ZBBX: variants seen among roughly 807,000 people sequenced by gnomAD.
ZBBX encodes zinc finger B-box domain containing.
Under a neutral mutation model 108.5 loss-of-function variants are expected in ZBBX, and 101 were observed. The ratio of observed to expected loss-of-function variants is 0.93; its 90% CI spans 0.79 to 1.10. The LOEUF (loss-of-function observed/expected upper bound fraction) is 1.10, where lower values mean the gene tolerates loss of function less well. Among genes scored for constraint, ZBBX ranks in the 50% least tolerant of loss-of-function variants. The pLI is 0.00. For synonymous variants in ZBBX, 356 were observed against 323.4 expected, an observed-to-expected ratio of 1.10 and a Z score of -1.08; for missense variants, 1,009 against 941.4, an observed-to-expected ratio of 1.07 and a Z score of -0.94.
At chr3:167,348,360 G>GAAAGAAAGAAAGAA (rs1577061296) in intron 9 of ZBBX, among the ~76,000 whole-genome samples, 2 of 123,806 alleles carry the variant, frequency 1.6e-5, no homozygotes, top group Admixed American at 8.3e-5. Context: ...AAGAAAGAAA[G>GAAAGAAAGAAAGAA]AAAGAAAGAA....
intron 6 of ZBBX, among the ~76,000 whole-genome samples, chr3:167,364,036 T>A (rs1398369472): frequency 6.6e-6 from 1 of 151,992 alleles, no homozygotes; most frequent in East Asian, 1.9e-4. Context: ...AAAGGTTAAG[T>A]GAATGTTAAT....
chr3:167,389,561 T>A (rs1190609434), intron 1 of ZBBX, among the ~76,000 whole-genome samples: 1 of 152,196 alleles, frequency 6.6e-6, no homozygotes, highest in African/African-American at 2.4e-5. Context: ...CACACTGTCT[T>A]CCACATTGGT....
chr3:167,278,653 C>A (rs886157934), intron 20 of ZBBX, among the ~76,000 whole-genome samples: 1 of 151,454 alleles, frequency 6.6e-6, no homozygotes, highest in Non-Finnish European at 1.5e-5. Context: ...GGATTCACAG[C>A]CGAATTCTAC....
rs1576961709 is a variant in ZBBX at position 167,310,396 on chromosome 3, AC to A, written c.1417+3577del. Among the ~76,000 whole-genome samples, 3 of 152,228 alleles carry A rather than the reference AC, an allele frequency of 2.0e-5. No homozygotes were observed. The East Asian group carries it at 5.8e-4, about 29-fold the overall frequency. ...CATTTTCAGGTATCTTTACAGCACT[AC>A]TTCACTTTTCTGGTACCAATTTTCT... On this transcript the variant is annotated intron_variant, in intron 16 of 21. Transcript: ENST00000675490.
At chr3:167,285,444 C>T (rs1576892756) in intron 19 of ZBBX, among the ~76,000 whole-genome samples, 1 of 151,906 alleles carries the variant, frequency 6.6e-6, no homozygotes. Flanking sequence ...GTATCAACTG[C>T]TGAGAATTTA....
At chr3:167,391,665 G>T (rs1026374255) in intron 1 of ZBBX, among the ~76,000 whole-genome samples, 4 of 151,334 alleles carry the variant, frequency 2.6e-5, no homozygotes, top group Non-Finnish European at 5.9e-5. Context: ...GAACATGATT[G>T]ACTTTTAATT....
intron 1 of ZBBX, among the ~76,000 whole-genome samples, chr3:167,387,563 T>C (rs1553850596): frequency 6.6e-6 from 1 of 152,040 alleles, no homozygotes; most frequent in South Asian, 2.1e-4. Flanking sequence ...TTCCCTGCAG[T>C]GAGTTAGAAT....
the ZBBX span, among the ~76,000 whole-genome samples, chr3:167,184,801 T>C: frequency 1.3e-5 from 2 of 152,056 alleles, no homozygotes; most frequent in Non-Finnish European, 2.9e-5. Context: ...ATACAGCCCA[T>C]AAAAGTAGGC....
chr3:167,364,913 T>C (rs1271053582), intron 6 of ZBBX, among the ~76,000 whole-genome samples: 1 of 151,872 alleles, frequency 6.6e-6, no homozygotes, highest in African/African-American at 2.4e-5. Flanking sequence ...ATCCAGCCTG[T>C]AATATCAATT....
In ZBBX at chr3:167,278,716, T is replaced by C. The variant is rs1360918037; in HGVS notation, c.2254+3522A>G. ...TTCCTTCTGAAACTACTCCAATCAA[T>C]AGAAAAAGAGGGAATCCTCCCTAAC... On this transcript the variant is annotated intron_variant, in intron 20 of 21. Coordinates refer to ENST00000675490, the MANE Select transcript of ZBBX (RefSeq NM_001199201.2). Among the ~76,000 whole-genome samples the C allele has an allele frequency of 8.1e-4, 122 of 151,072 alleles. No homozygotes were observed. The East Asian group carries it at 0.018, about 23-fold the overall frequency.
chr3:167,270,208 T>C (rs1726280200), intron 20 of ZBBX, among the ~76,000 whole-genome samples: 1 of 152,198 alleles, frequency 6.6e-6, no homozygotes, highest in Admixed American at 6.5e-5. Flanking sequence ...GTCAAATATT[T>C]AGGCCATTTC....
At chr3:167,222,561 A>G in the ZBBX span, among the ~76,000 whole-genome samples, 2 of 151,984 alleles carry the variant, frequency 1.3e-5, no homozygotes, top group Non-Finnish European at 2.9e-5. Context: ...TTAAAATACT[A>G]AAGGCATATA....
At chr3:167,270,942 C>A (rs1041009105) in intron 20 of ZBBX, among the ~76,000 whole-genome samples, 2 of 152,186 alleles carry the variant, frequency 1.3e-5, no homozygotes, top group African/African-American at 4.8e-5. Context: ...CTAGGGGATA[C>A]CACCTTCAAA....
intron 12 of ZBBX, 22 bp downstream of exon 12, chr3:167,322,095 G>A: frequency 8.5e-7 from 1 of 1,178,562 alleles, no homozygotes; most frequent in Non-Finnish European, 1.1e-6. Context: ...TTTCCTAATA[G>A]TATTATAATT....
chr3:167,344,376 G>T (rs768316706), intron 9 of ZBBX, among the ~76,000 whole-genome samples: 1 of 151,748 alleles, frequency 6.6e-6, no homozygotes, highest in Non-Finnish European at 1.5e-5. Flanking sequence ...GAATTATATC[G>T]CAATAATGCT....
the ZBBX span, among the ~76,000 whole-genome samples, chr3:167,209,871 C>G: frequency 6.6e-6 from 1 of 152,156 alleles, no homozygotes; most frequent in African/African-American, 2.4e-5. Context: ...GGGTGGATCA[C>G]TTGAGCCCAG....
chr3:167,197,060 G>C, the ZBBX span, among the ~76,000 whole-genome samples: 1 of 152,160 alleles, frequency 6.6e-6, no homozygotes, highest in Non-Finnish European at 1.5e-5. Context: ...AGAAACTGCT[G>C]ATATATGGAA....
intron 2 of ZBBX, among the ~76,000 whole-genome samples, chr3:167,378,348 T>C (rs1577130983): frequency 2.6e-5 from 4 of 152,158 alleles, no homozygotes; most frequent in Admixed American, 1.3e-4. Context: ...CCTTTAGATA[T>C]CAAGGGACAA....
rs10645171 is a variant in ZBBX, at chr3:167,327,913, CAAAAAAAAA to C, written c.862+20_862+28del. On this transcript the variant is annotated intron_variant, in intron 11 of 21. Transcript: ENST00000675490. Reference sequence around the variant, plus strand: ...TGGGCAACAAAGTGAGACTCTGTCTCAAAAAAAAAAAAAAAAAAAAAGCCATACCTTTTA... The same window carrying C: ...TGGGCAACAAAGTGAGACTCTGTCTCAAAAAAAAAAAAGCCATACCTTTTA... 6 of 1,161,040 alleles carry C rather than the reference CAAAAAAAAA, an allele frequency of 5.2e-6. No individual in the cohort carries two copies. The highest frequency in any genetic ancestry group is 6.9e-5 in the East Asian group (2 of 28,966). 71.9% of individuals were successfully genotyped at this position (1,161,040 alleles called of 1,614,324 possible).
Sources: gnomAD v4.1 joint callset for allele counts (sites outside exome capture counted in the v4.1 genomes callset) on GRCh38, gnomAD v4.1.1 for gene constraint, MANE v1.5 for transcripts, NCBI Gene and HGNC (gene_info 2026-07-23, HGNC 2026-07-21) for gene names.